Variants in ZSWIM5 observed in about 807,000 individuals in gnomAD.
ZSWIM5 encodes zinc finger SWIM domain-containing protein 5.
In ZSWIM5, 55 loss-of-function variants were observed where a neutral mutation model predicts 119.6. The ratio of observed to expected loss-of-function variants is 0.46; its 90% CI spans 0.37 to 0.58. ZSWIM5 has a LOEUF of 0.58. Among genes scored for constraint, ZSWIM5 ranks in the 20% least tolerant of loss-of-function variants. The pLI is 0.00. For synonymous variants in ZSWIM5, 537 were observed against 606.9 expected, an observed-to-expected ratio of 0.88 and a Z score of 1.69; for missense variants, 1,193 against 1,512.8, an observed-to-expected ratio of 0.79 and a Z score of 3.51.
chr1:45,038,964 C>T lies in ZSWIM5; in HGVS notation c.1866G>A (p.Leu622=), dbSNP rs757315178. 3 of 1,613,986 alleles carry T rather than the reference C, an allele frequency of 1.9e-6. No homozygotes were observed. The highest frequency in any genetic ancestry group is 2.2e-5 in the East Asian group (1 of 44,876). The change falls in exon 8 of 14, where the codon CTG becomes CTA. Residue 622 remains leucine (L), a synonymous_variant. Transcript: ENST00000359600. ...LFLTLTEACR[L]NDDGYLEMSD... Reference sequence around the variant, plus strand: ...ACATCTCCAGATAGCCATCATCATTCAGGCGGCAGGCCTCAGTCAAAGTGA... The same window carrying T: ...ACATCTCCAGATAGCCATCATCATTTAGGCGGCAGGCCTCAGTCAAAGTGA...
intron 1 of ZSWIM5, among the ~76,000 whole-genome samples, chr1:45,132,336 CTA>C (rs1189722583): frequency 1.3e-5 from 2 of 152,154 alleles, no homozygotes; most frequent in African/African-American, 4.8e-5. Context: ...GCAGTTAAAA[CTA>C]TTTTATCTCT....
intron 1 of ZSWIM5, among the ~76,000 whole-genome samples, chr1:45,192,670 C>CAAAT (rs1646099611): frequency 6.6e-6 from 1 of 152,170 alleles, no homozygotes; most frequent in African/African-American, 2.4e-5. Context: ...TTTGGTTATA[C>CAAAT]AACCAGAAGC....
chr1:45,068,792 CTTTTTTTTT>C lies in ZSWIM5; in HGVS notation c.953-8554_953-8546del, dbSNP rs758235271. ...TCACTGTTTTGTTGCTGTTGTATGT[CTTTTTTTTT>C]TTTTTTTTTTTTTTTTTTTCTGAGA... On this transcript the variant is annotated intron_variant, in intron 2 of 13. Coordinates refer to ENST00000359600, the MANE Select transcript of ZSWIM5 (RefSeq NM_020883.2). Among the ~76,000 whole-genome samples the C allele has an allele frequency of 1.3e-3, 61 of 46,758 alleles. 1 individual carries two copies. Among genetic ancestry groups the C allele is most frequent in the South Asian group, 6.9e-3 (4 of 582 alleles). 30.7% of individuals were successfully genotyped at this position (46,758 alleles called of 152,430 possible). A position where few individuals can be genotyped will look rare whatever the true frequency, so the allele number is the denominator to read the frequency against.
chr1:45,050,949 G>A (rs1201776480), intron 5 of ZSWIM5, 125 bp downstream of exon 5: 2 of 930,096 alleles, frequency 2.2e-6, no homozygotes, highest in Non-Finnish European at 1.6e-6. Context: ...AAAAACACAG[G>A]CTTTTCTTAT....
rs373582295 is a variant in ZSWIM5, at chr1:45,019,310, C to T, written c.2702G>A (p.Arg901Gln). The change falls in exon 14 of 14, where the codon CGG becomes CAG. Residue 901 changes from arginine (R) to glutamine (Q), a missense_variant. This residue lies in a region of ZSWIM5 where 961 missense variants were observed against 1,290.0 expected (regional missense o/e 0.74). Coordinates refer to ENST00000359600, the MANE Select transcript of ZSWIM5 (RefSeq NM_020883.2). The surrounding 1 kb of genome is among the most constrained non-coding windows in gnomAD (Gnocchi z 5.0). ...LVTCATEVGV[R>Q]ALVSILQSWY... ...GCTCTGCAAGATGCTCACCAGGGCC[C>T]GCACACCTGTCAGGGGGAGCCTGAG... The T allele has an allele frequency of 1.9e-5, 30 of 1,608,460 alleles. No homozygotes were observed. The highest frequency in any genetic ancestry group is 2.2e-5 in the East Asian group (1 of 44,838).
At chr1:45,022,577 C>T (rs1231842392) in intron 11 of ZSWIM5, among the ~76,000 whole-genome samples, 1 of 152,166 alleles carries the variant, frequency 6.6e-6, no homozygotes, top group Non-Finnish European at 1.5e-5. Context: ...ATTCTTCTAT[C>T]ATCTTTAAAA....
intron 1 of ZSWIM5, among the ~76,000 whole-genome samples, chr1:45,166,715 T>C (rs2149043807): frequency 6.6e-6 from 1 of 152,102 alleles, no homozygotes; most frequent in East Asian, 1.9e-4. Flanking sequence ...TGAACTCCCA[T>C]TCACAATTGC....
intron 1 of ZSWIM5, among the ~76,000 whole-genome samples, chr1:45,202,802 A>G (rs1256340918): frequency 1.3e-5 from 2 of 152,082 alleles, no homozygotes; most frequent in Non-Finnish European, 2.9e-5. Flanking sequence ...TACCAAATAC[A>G]AAGAAATCAA....
Position 45,034,396 on chromosome 1 carries a change from T to G in ZSWIM5, c.2365A>C (p.Ser789Arg). 6.2e-7 allele frequency: 1 copy of G among 1,614,094 alleles called. No homozygotes were observed. Among genetic ancestry groups the G allele is most frequent in the Non-Finnish European group, 8.5e-7 (1 of 1,179,972 alleles). ...HPHHMVSVVPSRYPRWFTLGH... is the reference protein window; with the variant it reads ...HPHHMVSVVPRRYPRWFTLGH... ...AGCGTGAACCAGCGAGGATAACGGCTGGGCACCACAGACACCATATGGTGA... is the reference window on the plus strand; with the variant it reads ...AGCGTGAACCAGCGAGGATAACGGCGGGGCACCACAGACACCATATGGTGA... The change falls in exon 11 of 14, where the codon AGC becomes CGC. Residue 789 changes from serine to arginine, a missense_variant. Transcript: ENST00000359600.
In ZSWIM5 at chr1:45,060,163, T is replaced by A. The variant is rs1363403890; in HGVS notation, c.1037A>T (p.Lys346Met). 2 of 1,614,202 alleles carry A rather than the reference T, an allele frequency of 1.2e-6. No homozygotes were observed. Among genetic ancestry groups the A allele is most frequent in the South Asian group, 2.2e-5 (2 of 91,084 alleles). Residue 346 changes from lysine to methionine, a missense_variant, in exon 3 of 14, where the codon AAG (lysine) becomes ATG (methionine). Lys to Met is a moderately conservative substitution (Grantham distance 95). This residue lies in a region of ZSWIM5 where 961 missense variants were observed against 1,290.0 expected (regional missense o/e 0.74). Transcript: ENST00000359600. ...GTAACCGCCCTGGGAGAGAAAAAGC[T>A]TCACTTGTTCTTTCACCTGTTCTTC... ...LDEEQVKEQVKLFLSQGGYCG... is the reference protein window; with the variant it reads ...LDEEQVKEQVMLFLSQGGYCG...
In ZSWIM5 at chr1:45,045,756, AG is replaced by A. The variant is rs549389121; in HGVS notation, c.1433-2362del. The stretch of plus-strand genomic sequence containing the variant: ...CTACTATACAGTAGGTACTGTTCTT[AG>A]TGTTTAGGACATACAAAGTTCCTGT... On this transcript the variant is annotated intron_variant, in intron 5 of 13. Coordinates refer to ENST00000359600, the MANE Select transcript of ZSWIM5 (RefSeq NM_020883.2). Among the ~76,000 whole-genome samples, 1,068 of 152,220 alleles carry A rather than the reference AG, an allele frequency of 7.0e-3. 6 individuals carry two copies. Among genetic ancestry groups the A allele is most frequent in the Non-Finnish European group, 1.0e-2 (677 of 68,018 alleles).
intron 1 of ZSWIM5, among the ~76,000 whole-genome samples, chr1:45,186,909 G>A (rs980549712): frequency 6.6e-6 from 1 of 151,962 alleles, no homozygotes; most frequent in Non-Finnish European, 1.5e-5. Flanking sequence ...CTTGATTTTA[G>A]CCCAGAAAAC....
chr1:45,030,797 T>C (rs1440253165), intron 11 of ZSWIM5, among the ~76,000 whole-genome samples: 1 of 38,680 alleles, frequency 2.6e-5, no homozygotes, highest in Non-Finnish European at 4.9e-5. Flanking sequence ...TTTCATTCTT[T>C]CTTTTTTTTT....
chr1:45,044,258 A>G (rs1441111811), intron 5 of ZSWIM5, among the ~76,000 whole-genome samples: 1 of 151,792 alleles, frequency 6.6e-6, no homozygotes, highest in East Asian at 1.9e-4. Flanking sequence ...TATTACACTG[A>G]TATCTGCAGG....
rs199876916 is a variant in ZSWIM5, at chr1:45,088,261, T to C, written c.596-24A>G. The C allele has an allele frequency of 1.1e-3, 1,716 of 1,497,440 alleles. 16 individuals are homozygous for C. The highest frequency in any genetic ancestry group is 1.6e-3 in the Middle Eastern group (9 of 5,624). 92.8% of individuals were successfully genotyped at this position (1,497,440 alleles called of 1,614,324 possible). On this transcript the variant is annotated intron_variant, in intron 1 of 13. Coordinates refer to ENST00000359600, the MANE Select transcript of ZSWIM5 (RefSeq NM_020883.2). This position sits in a 1 kb window ranked among gnomAD's most constrained non-coding sequence, Gnocchi z 4.2. ...GCCTAAGGAAACACAAAAGAAACTG[T>C]GTTTAGAGATTCTAGAGTAATAAAC...
intron 1 of ZSWIM5, among the ~76,000 whole-genome samples, chr1:45,182,714 A>G (rs1267486315): frequency 6.6e-6 from 1 of 151,916 alleles, no homozygotes; most frequent in Non-Finnish European, 1.5e-5. Context: ...CTAAATATAT[A>G]TGCACCCAAT....
chr1:45,168,631 C>T lies in ZSWIM5; in HGVS notation c.595+37125G>A, dbSNP rs1645925366. ...AGTGAGCTGAGATCGCGCCACTGCACTCCAGCCTGGGCGACAGAGTGAGAC... is the reference window on the plus strand; with the variant it reads ...AGTGAGCTGAGATCGCGCCACTGCATTCCAGCCTGGGCGACAGAGTGAGAC... On this transcript the variant is annotated intron_variant, in intron 1 of 13. Transcript: ENST00000359600. Among the ~76,000 whole-genome samples the T allele has an allele frequency of 4.9e-5, 7 of 142,814 alleles. No homozygotes were observed. In the South Asian group the frequency reaches 1.5e-3, roughly 31 times the overall value. The allele number at this position is 142,814 out of a possible 152,430, so 93.7% of individuals were successfully genotyped here. A position where few individuals can be genotyped will look rare whatever the true frequency, so the allele number is the denominator to read the frequency against.
At chr1:45,036,608 G>C (rs1401626496) in intron 8 of ZSWIM5, among the ~76,000 whole-genome samples, 1 of 152,018 alleles carries the variant, frequency 6.6e-6, no homozygotes, top group Non-Finnish European at 1.5e-5. Flanking sequence ...GCCTACCTCG[G>C]CCTCCGAATG....
chr1:45,116,209 G>A (rs1036634614), intron 1 of ZSWIM5, among the ~76,000 whole-genome samples: 3 of 150,766 alleles, frequency 2.0e-5, no homozygotes, highest in African/African-American at 4.8e-5. Flanking sequence ...ACAAAATGCC[G>A]TATATTACAG....
Sources: gnomAD v4.1 joint callset for allele counts (sites outside exome capture counted in the v4.1 genomes callset) on GRCh38, gnomAD v4.1.1 for gene constraint, gnomAD v4.1.1 regional missense constraint, Gnocchi (gnomAD v3.1) non-coding constraint, MANE v1.5 for transcripts, NCBI Gene and HGNC (gene_info 2026-07-23, HGNC 2026-07-21) for gene names.